The following SCN9A variants were observed in gnomAD, a reference collection of about 807,000 sequenced individuals.
SCN9A encodes the protein sodium voltage-gated channel alpha subunit 9.
Under a neutral mutation model 187.0 loss-of-function variants are expected in SCN9A, and 131 were observed. The observed-to-expected ratio is 0.70, with a 90% CI of 0.61 to 0.81. The LOEUF (loss-of-function observed/expected upper bound fraction) is 0.81. Among genes scored for constraint, SCN9A ranks in the 30% least tolerant of loss-of-function variants. The probability of loss-of-function intolerance (pLI) is 0.00; values close to 1 mark genes in which losing one functional copy is unlikely to be tolerated. For synonymous variants in SCN9A, 809 were observed against 808.6 expected, an observed-to-expected ratio of 1.00 and a Z score of -0.01; for missense variants, 2,252 against 2,396.6, an observed-to-expected ratio of 0.94 and a Z score of 1.26.
chr2:166,239,312 A>C (rs900039770), intron 19 of SCN9A, among the ~76,000 whole-genome samples: 1 of 151,896 alleles, frequency 6.6e-6, no homozygotes, highest in African/African-American at 2.4e-5. Flanking sequence ...TCTCTTTCAG[A>C]TCGAAACACT....
chr2:166,338,807 C>T (rs1699694592), intron 1 of SCN9A, among the ~76,000 whole-genome samples: 1 of 152,030 alleles, frequency 6.6e-6, no homozygotes, highest in African/African-American at 2.4e-5. Context: ...AACTTGGGTT[C>T]ACTGAATTTT....
intron 1 of SCN9A, among the ~76,000 whole-genome samples, chr2:166,312,627 G>C (rs1037067804): frequency 6.6e-6 from 1 of 152,008 alleles, no homozygotes; most frequent in African/African-American, 2.4e-5. Context: ...ATCTATGGCA[G>C]CTATAGTCTT....
intron 1 of SCN9A, among the ~76,000 whole-genome samples, chr2:166,344,727 A>C (rs1376626798): frequency 1.3e-5 from 2 of 152,160 alleles, no homozygotes; most frequent in African/African-American, 2.4e-5. Context: ...AAAGCCACCT[A>C]CAATCCTTTG....
chr2:166,208,003 A>G (rs1004699279), intron 24 of SCN9A, among the ~76,000 whole-genome samples: 2 of 152,220 alleles, frequency 1.3e-5, no homozygotes, highest in Admixed American at 6.5e-5. Context: ...TTTTCCCCTA[A>G]TGATATCCTG....
intron 16 of SCN9A, among the ~76,000 whole-genome samples, chr2:166,275,767 C>T (rs1001131959): frequency 5.9e-5 from 9 of 152,112 alleles, no homozygotes; most frequent in South Asian, 2.1e-4. Flanking sequence ...GAATGGTAAT[C>T]CAGGATGTAT....
In SCN9A at chr2:166,312,438, A is replaced by G. The variant is rs115823295; in HGVS notation, c.-50-632T>C. Among the ~76,000 whole-genome samples the G allele has an allele frequency of 4.6e-3, 702 of 152,248 alleles. 7 individuals carry two copies. The highest frequency in any genetic ancestry group is 0.016 in the African/African-American group (666 of 41,528). On this transcript the variant is annotated intron_variant, in intron 1 of 26. Transcript: ENST00000642356. ...CATCTGCAGTTCTTTCCATCACTGA[A>G]GTCTTAAACCTCTCATAGTCATCCA...
At position 166,228,700 on chromosome 2, in the gene SCN9A, C is replaced by T. The variant is rs201258222; in HGVS notation, c.4197G>A (p.Leu1399=). The T allele has an allele frequency of 4.3e-6, 7 of 1,609,844 alleles. No individual in the cohort carries two copies. Among genetic ancestry groups the T allele is most frequent in the Non-Finnish European group, 5.1e-6 (6 of 1,177,192 alleles). Residue 1399 remains leucine (L), a synonymous_variant, in exon 22 of 27, where the codon CTG becomes CTA. Coordinates refer to ENST00000642356, the MANE Select transcript of SCN9A (RefSeq NM_001365536.1). ...FDNVGLGYLS[L]LQVATFKGWT... The stretch of plus-strand genomic sequence containing the variant: ...GAAATGGGACACTTACAACTTGAAG[C>T]AGAGATAGGTAACCAAGTCCGACAT...
Position 166,272,886 on chromosome 2 carries a change from G to T in SCN9A, c.2875-11C>A, listed in dbSNP as rs763775879. ...AAATAGGTTTAGGACCTATATCAGGGTGGGGAGAGGGGGTAGAGAAATAGG... is the reference window on the plus strand; with the variant it reads ...AAATAGGTTTAGGACCTATATCAGGTTGGGGAGAGGGGGTAGAGAAATAGG... On this transcript the variant is annotated splice_polypyrimidine_tract_variant and intron_variant, in intron 16 of 26. Coordinates refer to ENST00000642356, the MANE Select transcript of SCN9A (RefSeq NM_001365536.1). 2 of 1,285,924 alleles carry T rather than the reference G, an allele frequency of 1.6e-6. No individual in the cohort carries two copies. Among genetic ancestry groups the T allele is most frequent in the East Asian group, 2.5e-5 (1 of 40,306 alleles). 79.7% of individuals were successfully genotyped at this position (1,285,924 alleles called of 1,614,324 possible).
intron 17 of SCN9A, among the ~76,000 whole-genome samples, chr2:166,269,089 C>A (rs1385071410): frequency 1.3e-5 from 2 of 151,792 alleles, no homozygotes; most frequent in Non-Finnish European, 2.9e-5. Context: ...AGAATGTACA[C>A]TCTTTTATCA....
intron 1 of SCN9A, chr2:166,321,400 G>A (rs550724860): frequency 6.6e-6 from 1 of 152,158 alleles, no homozygotes; most frequent in South Asian, 2.1e-4. Flanking sequence ...TGCACCTGTA[G>A]TCTCAGCTGC....
chr2:166,305,817 G>A lies in SCN9A; in HGVS notation c.571C>T (p.Leu191=). ...GCAAAAACAATGACGACAAAATCCA[G>A]CCAGTTCCACGGGTCACGAAGAAAA... ...FTFLRDPWNW[L]DFVVIVFAYL... The change falls in exon 5 of 27, where the codon CTG becomes TTG. Residue 191 remains leucine (L), a synonymous_variant. Transcript: ENST00000642356. The A allele has an allele frequency of 6.2e-7, 1 of 1,613,320 alleles. No individual in the cohort carries two copies.
rs202014643 is a variant in SCN9A at position 166,306,979 on chromosome 2, T to C, written c.354A>G (p.Ile118Met). 4 of 1,595,598 alleles carry C rather than the reference T, an allele frequency of 2.5e-6. No individual in the cohort carries two copies. Among genetic ancestry groups the C allele is most frequent in the Non-Finnish European group, 2.6e-6 (3 of 1,163,796 alleles). ...MLSPFSPLRRISIKILVHSLF... is the reference protein window; with the variant it reads ...MLSPFSPLRRMSIKILVHSLF... ...ATGAGTGTACTAAAATCTTAATAGATATTCTTCTTAGAGGACTGAAAGGAG... is the reference window on the plus strand; with the variant it reads ...ATGAGTGTACTAAAATCTTAATAGACATTCTTCTTAGAGGACTGAAAGGAG... Residue 118 changes from isoleucine (I) to methionine (M), a missense_variant, in exon 3 of 27, where the codon ATA becomes ATG. Coordinates refer to ENST00000642356, the MANE Select transcript of SCN9A (RefSeq NM_001365536.1).
chr2:166,200,405 A>G (rs907695558), intron 26 of SCN9A, among the ~76,000 whole-genome samples: 2 of 152,164 alleles, frequency 1.3e-5, no homozygotes, highest in East Asian at 1.9e-4. Flanking sequence ...TACTAAGTTC[A>G]TGGGCCATTT....
At chr2:166,226,914 T>C (rs1252503965) in intron 23 of SCN9A, among the ~76,000 whole-genome samples, 1 of 152,070 alleles carries the variant, frequency 6.6e-6, no homozygotes, top group Non-Finnish European at 1.5e-5. Flanking sequence ...TATTACATAC[T>C]TATGTAATAA....
At chr2:166,214,200 G>A (rs189237452) in intron 24 of SCN9A, among the ~76,000 whole-genome samples, 2 of 152,166 alleles carry the variant, frequency 1.3e-5, no homozygotes, top group African/African-American at 4.8e-5. Flanking sequence ...CCATGCTTGA[G>A]GAATGGCAGA....
At position 166,284,701 on chromosome 2, in the gene SCN9A, T is replaced by C. The variant is rs202090277; in HGVS notation, c.1726A>G (p.Ser576Gly). 5.3e-5 allele frequency: 86 copies of C among 1,613,904 alleles called. No homozygotes were observed. Among genetic ancestry groups the C allele is most frequent in the Middle Eastern group, 3.3e-4 (2 of 6,084 alleles). ...SETEFADDEH[S>G]IFGDNESRRG... Reference sequence around the variant, plus strand: ...CTGCTCTCATTGTCTCCAAAAATGCTGTGCTCATCATCGGCAAATTCAGTC... The same window carrying C: ...CTGCTCTCATTGTCTCCAAAAATGCCGTGCTCATCATCGGCAAATTCAGTC... The change falls in exon 12 of 27, where the codon AGC becomes GGC. Residue 576 changes from serine to glycine, a missense_variant. Ser to Gly is a moderately conservative substitution (Grantham distance 56). Coordinates refer to ENST00000642356, the MANE Select transcript of SCN9A (RefSeq NM_001365536.1).
At chr2:166,258,568 C>G (rs1425732527) in intron 17 of SCN9A, among the ~76,000 whole-genome samples, 1 of 151,458 alleles carries the variant, frequency 6.6e-6, no homozygotes, top group East Asian at 1.9e-4. Context: ...AGTCCCATAA[C>G]TAACAGTGCA....
intron 1 of SCN9A, among the ~76,000 whole-genome samples, chr2:166,340,475 C>T (rs1699737245): frequency 6.6e-6 from 1 of 151,802 alleles, no homozygotes; most frequent in African/African-American, 2.4e-5. Context: ...CGTTTTCTTT[C>T]TTTCTCTTTC....
At chr2:166,253,510 A>G (rs1241894309) in intron 17 of SCN9A, among the ~76,000 whole-genome samples, 2 of 151,858 alleles carry the variant, frequency 1.3e-5, no homozygotes, top group African/African-American at 2.4e-5. Context: ...TTAAAGTATA[A>G]ACTATAGAAT....
Sources: allele counts gnomAD v4.1 joint callset (sites outside exome capture counted in the v4.1 genomes callset), GRCh38; gene constraint gnomAD v4.1.1; transcripts MANE v1.5; gene names NCBI Gene and HGNC (gene_info 2026-07-23, HGNC 2026-07-21).